The following NR2F2 variants were observed in gnomAD, a reference collection of about 807,000 sequenced individuals.
The protein encoded by NR2F2 is COUP transcription factor 2.
In NR2F2, 2 loss-of-function variants were observed where a neutral mutation model predicts 34.8. The observed-to-expected ratio is 0.06, with a 90% CI of 0.02 to 0.18. NR2F2 has a LOEUF of 0.18. Ranked by LOEUF, NR2F2 falls within the 10% of genes least tolerant of loss-of-function variation. The probability of loss-of-function intolerance (pLI) is 1.00; values close to 1 mark genes in which losing one functional copy is unlikely to be tolerated. For synonymous variants in NR2F2, 274 were observed against 251.8 expected, an observed-to-expected ratio of 1.09 and a Z score of -0.84; for missense variants, 300 against 580.1, an observed-to-expected ratio of 0.52 and a Z score of 4.96.
rs374919946 is a variant in NR2F2, at chr15:96,334,317, G to A, written c.684G>A (p.Arg228=). The part of the protein sequence containing the change: ...RMLFSAVEWA[R]NIPFFPDLQI... The stretch of plus-strand genomic sequence containing the variant: ...TCTTCAGCGCCGTCGAGTGGGCCCG[G>A]AACATCCCCTTCTTCCCCGACCTGC... Residue 228 remains arginine (R), a synonymous_variant, in exon 2 of 3, where the codon CGG becomes CGA. Coordinates refer to ENST00000394166, the MANE Select transcript of NR2F2 (RefSeq NM_021005.4). The A allele has an allele frequency of 1.2e-6, 2 of 1,614,104 alleles. No individual in the cohort carries two copies. The highest frequency in any genetic ancestry group is 1.7e-6 in the Non-Finnish European group (2 of 1,180,058).
chr15:96,330,790 T>G lies in NR2F2; in HGVS notation c.-1316T>G. On this transcript the variant is annotated 5_prime_UTR_variant, in exon 1 of 3. Transcript: ENST00000394166. ...CATATTTGATCACTTTGATTCTCTG[T>G]TCTTTTCTCTCCGCGGTGTGTGTGT... 1.9e-5 allele frequency: 18 copies of G among 968,904 alleles called. No homozygotes were observed. Among genetic ancestry groups the G allele is most frequent in the African/African-American group, 5.2e-5 (3 of 57,732 alleles). The allele number at this position is 968,904 out of a possible 1,614,324, so 60.0% of individuals were successfully genotyped here.
upstream of NR2F2, among the ~76,000 whole-genome samples, chr15:96,326,592 T>C (rs1395604036): frequency 2.0e-5 from 3 of 151,238 alleles, no homozygotes; most frequent in Admixed American, 1.3e-4. The surrounding 1 kb of genome is among the most constrained non-coding windows in gnomAD (Gnocchi z 5.5). Context: ...GGGGGGAAAA[T>C]ACAATTGCAA....
chr15:96,330,825 C>T lies in NR2F2; in HGVS notation c.-1281C>T. The T allele has an allele frequency of 2.6e-6, 3 of 1,138,520 alleles. No individual in the cohort carries two copies. The highest frequency in any genetic ancestry group is 3.2e-6 in the Non-Finnish European group (3 of 924,464). The allele number at this position is 1,138,520 out of a possible 1,614,324, so 70.5% of individuals were successfully genotyped here. A position where few individuals can be genotyped will look rare whatever the true frequency, so the allele number is the denominator to read the frequency against. On this transcript the variant is annotated 5_prime_UTR_variant, in exon 1 of 3. Transcript: ENST00000394166. ...TCCGCGGTGTGTGTGTGCGTGCGCG[C>T]GTGTGTGTTTTCTTCTTCTCCTCCT... is the stretch of plus-strand genomic sequence containing the variant.
Position 96,330,888 on chromosome 15 carries a change from C to G in NR2F2, c.-1218C>G. On this transcript the variant is annotated 5_prime_UTR_variant, in exon 1 of 3. Coordinates refer to ENST00000394166, the MANE Select transcript of NR2F2 (RefSeq NM_021005.4). ...TTGCCTCCTTTCTCCGGGTGCCGTA[C>G]TGCCTTTTTTCCCCTCTTTCATTCT... 8.7e-7 allele frequency: 1 copy of G among 1,153,672 alleles called. No individual in the cohort carries two copies. Among genetic ancestry groups the G allele is most frequent in the Non-Finnish European group, 1.1e-6 (1 of 937,104 alleles). The allele number at this position is 1,153,672 out of a possible 1,614,324, so 71.5% of individuals were successfully genotyped here. A position where few individuals can be genotyped will look rare whatever the true frequency, so the allele number is the denominator to read the frequency against.
chr15:96,326,295 C>T (rs1175933963), upstream of NR2F2: 2 of 1,611,366 alleles, frequency 1.2e-6, no homozygotes, highest in Non-Finnish European at 8.5e-7. This position sits in a 1 kb window ranked among gnomAD's most constrained non-coding sequence, Gnocchi z 5.5. Context: ...AGAGTTATTC[C>T]AGTTTAGGAG....
Position 96,334,427 on chromosome 15 carries a change from A to G in NR2F2, c.794A>G (p.His265Arg). ...LNAAQCSMPL[H>R]VAPLLAAAGL... is the part of the protein sequence containing the mutation. The stretch of plus-strand genomic sequence containing the variant: ...GCGGCGCAGTGCTCCATGCCCCTCC[A>G]CGTCGCCCCGCTCCTGGCCGCCGCC... The change falls in exon 2 of 3, where the codon CAC becomes CGC. Residue 265 changes from histidine (H) to arginine (R), a missense_variant. This residue lies in a region of NR2F2 where 164 missense variants were observed against 365.3 expected (regional missense o/e 0.45). Coordinates refer to ENST00000394166, the MANE Select transcript of NR2F2 (RefSeq NM_021005.4). 6.2e-7 allele frequency: 1 copy of G among 1,613,726 alleles called. No homozygotes were observed. The highest frequency in any genetic ancestry group is 8.5e-7 in the Non-Finnish European group (1 of 1,179,932).
At chr15:96,330,257 C>G (rs932388613), upstream of NR2F2, among the ~76,000 whole-genome samples, 4 of 152,176 alleles carry the variant, frequency 2.6e-5, no homozygotes, top group Admixed American at 2.0e-4. Context: ...TCCCCGATTC[C>G]ATCCAAAGCC....
chr15:96,328,799 C>T (rs562333317), upstream of NR2F2, among the ~76,000 whole-genome samples: 3 of 150,334 alleles, frequency 2.0e-5, no homozygotes, highest in Admixed American at 1.3e-4. Flanking sequence ...TCAAATAAAC[C>T]GAGAACCTGC....
chr15:96,330,138 G>T (rs1002332807), upstream of NR2F2, among the ~76,000 whole-genome samples: 5 of 152,142 alleles, frequency 3.3e-5, no homozygotes, highest in Admixed American at 3.3e-4. Flanking sequence ...CCTCTGCAAA[G>T]AAACCAGGGA....
chr15:96,328,577 AAAC>A (rs919536832), upstream of NR2F2, among the ~76,000 whole-genome samples: 7 of 152,210 alleles, frequency 4.6e-5, no homozygotes, highest in East Asian at 1.9e-4. Flanking sequence ...TTGGAAGGGA[AAAC>A]AACAACAACT....
rs1466702556 is a variant in NR2F2, at chr15:96,340,247, T to C, written c.*2625T>C. 6.6e-6 allele frequency: 1 copy of C among 152,240 alleles called. No individual in the cohort carries two copies. Among genetic ancestry groups the C allele is most frequent in the Non-Finnish European group, 1.5e-5 (1 of 68,042 alleles). The allele number at this position is 152,240 out of a possible 1,614,324, so 9.4% of individuals were successfully genotyped here. A position where few individuals can be genotyped will look rare whatever the true frequency, so the allele number is the denominator to read the frequency against. On this transcript the variant is annotated 3_prime_UTR_variant, in exon 3 of 3. Coordinates refer to ENST00000394166, the MANE Select transcript of NR2F2 (RefSeq NM_021005.4). ...TGGCATTAAATTATAATTTATGATT[T>C]TCAAAGCAAAAGACAATCCCTGTTT...
Position 96,332,531 on chromosome 15 carries a change from G to A in NR2F2, c.426G>A (p.Val142=). Residue 142 remains valine (V), a synonymous_variant, in exon 1 of 3, where the codon GTG becomes GTA. Coordinates refer to ENST00000394166, the MANE Select transcript of NR2F2 (RefSeq NM_021005.4). ...QYCRLKKCLK[V]GMRREAVQRG... is the part of the protein sequence containing the mutation. ...GCCGCCTCAAAAAGTGCCTCAAAGT[G>A]GGCATGAGACGGGAAGGTATCGGCC... is the stretch of plus-strand genomic sequence containing the variant. 1 of 1,611,778 alleles carries A rather than the reference G, an allele frequency of 6.2e-7. No homozygotes were observed. Among genetic ancestry groups the A allele is most frequent in the African/African-American group, 1.3e-5 (1 of 74,996 alleles).
Position 96,331,255 on chromosome 15 carries a change from C to T in NR2F2, c.-851C>T. On this transcript the variant is annotated 5_prime_UTR_variant, in exon 1 of 3. Transcript: ENST00000394166. ...TGCGGGCGGCGGCGGCCGGAGAGAGCGAGGCGCGCGCCGGACGCCCGGGGC... is the reference window on the plus strand; with the variant it reads ...TGCGGGCGGCGGCGGCCGGAGAGAGTGAGGCGCGCGCCGGACGCCCGGGGC... The T allele has an allele frequency of 1.0e-6, 1 of 989,740 alleles. No homozygotes were observed. Among genetic ancestry groups the T allele is most frequent in the Non-Finnish European group, 1.2e-6 (1 of 834,458 alleles). The allele number at this position is 989,740 out of a possible 1,614,324, so 61.3% of individuals were successfully genotyped here. A position where few individuals can be genotyped will look rare whatever the true frequency, so the allele number is the denominator to read the frequency against.
chr15:96,331,270 A>C lies in NR2F2; in HGVS notation c.-836A>C, dbSNP rs1158116245. The C allele has an allele frequency of 4.0e-6, 4 of 1,003,578 alleles. No homozygotes were observed. The South Asian group carries it at 1.4e-4, about 34-fold the overall frequency. The allele number at this position is 1,003,578 out of a possible 1,614,324, so 62.2% of individuals were successfully genotyped here. A position where few individuals can be genotyped will look rare whatever the true frequency, so the allele number is the denominator to read the frequency against. ...CCGGAGAGAGCGAGGCGCGCGCCGG[A>C]CGCCCGGGGCAGGCGGCGGCGGCGG... is the stretch of plus-strand genomic sequence containing the variant. On this transcript the variant is annotated 5_prime_UTR_variant, in exon 1 of 3. Transcript: ENST00000394166.
rs1386163690 is a variant in NR2F2 at position 96,339,783 on chromosome 15, TGTTCTTATTCAAG to T, written c.*2165_*2177del. On this transcript the variant is annotated 3_prime_UTR_variant, in exon 3 of 3. Transcript: ENST00000394166. The stretch of plus-strand genomic sequence containing the variant: ...GCTCGGTGCTGGGAGCTTGCAATTT[TGTTCTTATTCAAG>T]GTTTCCAACCCACCCCCCCACCGCC... 6.6e-6 allele frequency: 1 copy of T among 152,210 alleles called. No individual in the cohort carries two copies. Among genetic ancestry groups the T allele is most frequent in the Non-Finnish European group, 1.5e-5 (1 of 68,040 alleles). The allele number at this position is 152,210 out of a possible 1,614,324, so 9.4% of individuals were successfully genotyped here. A position where few individuals can be genotyped will look rare whatever the true frequency, so the allele number is the denominator to read the frequency against.
chr15:96,330,069 T>C (rs1036882528), upstream of NR2F2, among the ~76,000 whole-genome samples: 1 of 152,164 alleles, frequency 6.6e-6, no homozygotes, highest in African/African-American at 2.4e-5. Flanking sequence ...GCCAACTCTT[T>C]CGTTTGGAAA....
At chr15:96,332,941 C>CCCCCA (rs1899194044) in intron 1 of NR2F2, among the ~76,000 whole-genome samples, 3 of 58,034 alleles carry the variant, frequency 5.2e-5, no homozygotes, top group Non-Finnish European at 1.0e-4. Context: ...CCCACCCTCT[C>CCCCCA]AAAAAAAAAA....
At chr15:96,330,098 C>G (rs890737420), upstream of NR2F2, among the ~76,000 whole-genome samples, 2 of 152,154 alleles carry the variant, frequency 1.3e-5, no homozygotes, top group Non-Finnish European at 2.9e-5. Flanking sequence ...AAGCTCAGTT[C>G]GTGGCACCTT....
chr15:96,331,281 A>AGGCGGC lies in NR2F2; in HGVS notation c.-812_-807dup, dbSNP rs902456420. Reference sequence around the variant, plus strand: ...GAGGCGCGCGCCGGACGCCCGGGGCAGGCGGCGGCGGCGGCGGCCCAGCGC... The same window carrying AGGCGGC: ...GAGGCGCGCGCCGGACGCCCGGGGCAGGCGGCGGCGGCGGCGGCGGCGGCCCAGCGC... On this transcript the variant is annotated 5_prime_UTR_variant, in exon 1 of 3. Coordinates refer to ENST00000394166, the MANE Select transcript of NR2F2 (RefSeq NM_021005.4). 4.9e-5 allele frequency: 50 copies of AGGCGGC among 1,028,462 alleles called. No homozygotes were observed. Among genetic ancestry groups the AGGCGGC allele is most frequent in the African/African-American group, 3.1e-4 (18 of 57,212 alleles). 63.7% of individuals were successfully genotyped at this position (1,028,462 alleles called of 1,614,324 possible).
Sources: gnomAD v4.1 joint callset for allele counts (sites outside exome capture counted in the v4.1 genomes callset) on GRCh38, gnomAD v4.1.1 for gene constraint, gnomAD v4.1.1 regional missense constraint, Gnocchi (gnomAD v3.1) non-coding constraint, MANE v1.5 for transcripts, NCBI Gene and HGNC (gene_info 2026-07-23, HGNC 2026-07-21) for gene names.